The following HPR variants were observed in gnomAD, a reference collection of about 807,000 sequenced individuals.
The protein encoded by HPR is Haptoglobin-related locus.
Under a neutral mutation model 18.5 loss-of-function variants are expected in HPR, and 17 were observed. That is an observed-to-expected ratio of 0.92 (90% CI 0.63 to 1.38). HPR has a LOEUF of 1.38. Among genes scored for constraint, HPR ranks in the 40% most tolerant of loss-of-function variants. The pLI, the probability that HPR is intolerant of heterozygous loss-of-function variation, is 0.00. For synonymous variants in HPR, 176 were observed against 165.0 expected (o/e 1.07, Z -0.51); for missense variants, 457 against 432.4 (o/e 1.06, Z -0.51).
Position 72,073,967 on chromosome 16 carries a change from G to A in HPR, c.81G>A (p.Thr27=), listed in dbSNP as rs375828112. The part of the protein sequence containing the change: ...LFALYSGNDV[T]DISDDRFPKP... Reference sequence around the variant, plus strand: ...CACTGTACTCAGGCAATGATGTCACGGATATTTCAGGTCAGTCTTTGAGTT... The same window carrying A: ...CACTGTACTCAGGCAATGATGTCACAGATATTTCAGGTCAGTCTTTGAGTT... The change falls in exon 2 of 5, where the codon ACG becomes ACA. Residue 27 remains threonine (T), a synonymous_variant. Coordinates refer to ENST00000540303, the MANE Select transcript of HPR (RefSeq NM_020995.4). 5.0e-5 allele frequency: 81 copies of A among 1,614,020 alleles called. No individual in the cohort carries two copies. Among genetic ancestry groups the A allele is most frequent in the Non-Finnish European group, 5.8e-5 (69 of 1,179,996 alleles).
Position 72,074,389 on chromosome 16 carries a change from A to T in HPR, c.193+4A>T. The T allele has an allele frequency of 6.3e-7, 1 of 1,596,432 alleles. No individual in the cohort carries two copies. Among genetic ancestry groups the T allele is most frequent in the Non-Finnish European group, 8.6e-7 (1 of 1,163,866 alleles). On this transcript the variant is annotated splice_donor_region_variant and intron_variant, in intron 3 of 4. Transcript: ENST00000540303. Reference sequence around the variant, plus strand: ...AGACTGCGCACAGAAGGAGATGGTAAGACCTGGACAACTATCTCTGTGCTC... The same window carrying T: ...AGACTGCGCACAGAAGGAGATGGTATGACCTGGACAACTATCTCTGTGCTC...
At chr16:72,074,788 A>T (rs11646364) in intron 3 of HPR, 84,745 of 660,990 alleles carry the variant, frequency 0.13, 6,640 homozygotes, top group South Asian at 0.16. Flanking sequence ...AATAGAGGTT[A>T]TTATTCTCAC....
intron 1 of HPR, 36 bp from the exon 2 acceptor site, chr16:72,073,856 A>G (rs1225511396): frequency 1.2e-6 from 2 of 1,613,090 alleles, no homozygotes; most frequent in African/African-American, 1.3e-5. Flanking sequence ...AAGCAGGGAG[A>G]CCAGCTTTCC....
intron 1 of HPR, among the ~76,000 whole-genome samples, chr16:72,065,776 A>C (rs969682537): frequency 2.0e-5 from 3 of 152,180 alleles, no homozygotes; most frequent in African/African-American, 7.2e-5. Context: ...CTTTCCCTTA[A>C]AGACAACTAG....
chr16:72,064,499 G>C (rs964779157), intron 1 of HPR, among the ~76,000 whole-genome samples: 1 of 152,010 alleles, frequency 6.6e-6, no homozygotes, highest in Non-Finnish European at 1.5e-5. Context: ...TGATCTTCCC[G>C]CCTTCCCACC....
chr16:72,065,465 A>G (rs919642198), intron 1 of HPR, among the ~76,000 whole-genome samples: 6 of 152,150 alleles, frequency 3.9e-5, no homozygotes, highest in African/African-American at 1.4e-4. Flanking sequence ...AGAAAGACAG[A>G]GAATAAGAAG....
chr16:72,073,746 C>T (rs1567589985), intron 1 of HPR, 146 bp from the exon 2 acceptor site: 11 of 1,569,802 alleles, frequency 7.0e-6, no homozygotes, highest in Non-Finnish European at 9.5e-6. Context: ...ATTTTCTTTT[C>T]TGGCTGCTTA....
At chr16:72,064,113 T>C (rs894803904) in intron 1 of HPR, among the ~76,000 whole-genome samples, 2 of 152,178 alleles carry the variant, frequency 1.3e-5, no homozygotes, top group Middle Eastern at 3.2e-3. Context: ...AACTGGCAGA[T>C]GGCGCCTGTG....
intron 1 of HPR, among the ~76,000 whole-genome samples, chr16:72,067,783 A>G (rs1294067304): frequency 6.6e-6 from 1 of 152,198 alleles, no homozygotes; most frequent in African/African-American, 2.4e-5. Context: ...ACTGCCTGTC[A>G]AAAAATCAGA....
chr16:72,070,016 G>A (rs1402343462), intron 1 of HPR, among the ~76,000 whole-genome samples: 1 of 152,070 alleles, frequency 6.6e-6, no homozygotes, highest in Admixed American at 6.6e-5. Context: ...AGTTAGCCCA[G>A]GTACTAGACA....
In HPR at chr16:72,076,909, C is replaced by G. The variant is rs557750628; in HGVS notation, c.875C>G (p.Thr292Ser). Reference protein sequence around the residue: ...CVGMSKYQEDTCYGDAGSAFA... With the variant: ...CVGMSKYQEDSCYGDAGSAFA... ...GGCATGTCTAAGTACCAGGAAGACA[C>G]CTGCTATGGCGATGCGGGCAGTGCC... The change falls in exon 5 of 5, where the codon ACC becomes AGC. Residue 292 changes from threonine to serine, a missense_variant. Transcript: ENST00000540303. 1.1e-5 allele frequency: 17 copies of G among 1,614,224 alleles called. No homozygotes were observed. The South Asian group carries it at 1.9e-4, about 18-fold the overall frequency.
chr16:72,072,110 G>T (rs552404161), intron 1 of HPR, among the ~76,000 whole-genome samples: 23 of 152,180 alleles, frequency 1.5e-4, no homozygotes, highest in Admixed American at 5.2e-4. Flanking sequence ...CTGGGTCCAA[G>T]CAATTCTTCT....
chr16:72,074,679 G>C, intron 3 of HPR: 2 of 707,394 alleles, frequency 2.8e-6, no homozygotes, highest in Non-Finnish European at 5.2e-6. Context: ...AAGGAATGCT[G>C]ATGATGATGT....
chr16:72,063,570 C>T (rs2041565253), intron 1 of HPR, among the ~76,000 whole-genome samples: 1 of 152,070 alleles, frequency 6.6e-6, no homozygotes, highest in African/African-American at 2.4e-5. Flanking sequence ...TATTTACTAG[C>T]AGATATTTTC....
chr16:72,064,508 C>G (rs574587192), intron 1 of HPR, among the ~76,000 whole-genome samples: 2 of 152,320 alleles, frequency 1.3e-5, no homozygotes, highest in African/African-American at 2.4e-5. Context: ...CGCCTTCCCA[C>G]CAGTGCAACC....
intron 1 of HPR, among the ~76,000 whole-genome samples, chr16:72,064,963 T>C (rs1422881431): frequency 3.3e-5 from 5 of 152,276 alleles, no homozygotes; most frequent in African/African-American, 9.6e-5. Flanking sequence ...TGCAACACTA[T>C]GGTGGCCAGG....
Position 72,069,151 on chromosome 16 carries a change from A to G in HPR, c.6-4741A>G, listed in dbSNP as rs2041629032. Among the ~76,000 whole-genome samples the G allele has an allele frequency of 2.6e-5, 4 of 152,242 alleles. No individual in the cohort carries two copies. The South Asian group carries it at 8.3e-4, about 32-fold the overall frequency. ...CAAGCCTTAAAGCACTTGCAAAACC[A>G]GGAAGGAACCATCTATACTGATTCT... On this transcript the variant is annotated intron_variant, in intron 1 of 4. Coordinates refer to ENST00000540303, the MANE Select transcript of HPR (RefSeq NM_020995.4).
At chr16:72,066,892 A>C (rs2041603852) in intron 1 of HPR, among the ~76,000 whole-genome samples, 1 of 152,154 alleles carries the variant, frequency 6.6e-6, no homozygotes, top group South Asian at 2.1e-4. Flanking sequence ...ATATGCTACT[A>C]AATGAGGCTT....
intron 1 of HPR, among the ~76,000 whole-genome samples, chr16:72,071,063 C>A (rs1399758243): frequency 6.6e-6 from 1 of 151,890 alleles, no homozygotes; most frequent in Non-Finnish European, 1.5e-5. Context: ...GCAAATGTTA[C>A]AAAACAAAAT....
Sources: allele counts gnomAD v4.1 joint callset (sites outside exome capture counted in the v4.1 genomes callset), GRCh38; gene constraint gnomAD v4.1.1; transcripts MANE v1.5; gene names NCBI Gene and HGNC (gene_info 2026-07-23, HGNC 2026-07-21).